The following FOXP1 variants were observed in gnomAD, a reference collection of about 807,000 sequenced individuals.
The protein encoded by FOXP1 is forkhead box protein P1.
Under a neutral mutation model 98.2 loss-of-function variants are expected in FOXP1, and 15 were observed. That is an observed-to-expected ratio of 0.15 (90% CI 0.10 to 0.24). The LOEUF (loss-of-function observed/expected upper bound fraction) is 0.24, where lower values mean the gene tolerates loss of function less well. Ranked by LOEUF, FOXP1 falls within the 10% of genes least tolerant of loss-of-function variation. FOXP1 has a pLI of 1.00. For missense variants in FOXP1, 633 were observed against 848.5 expected, an observed-to-expected ratio of 0.75 and a Z score of 3.15; for synonymous variants, 371 against 314.5, an observed-to-expected ratio of 1.18 and a Z score of -1.90.
intron 6 of FOXP1, among the ~76,000 whole-genome samples, chr3:71,178,130 C>T (rs2062054074): frequency 6.7e-6 from 1 of 149,494 alleles, no homozygotes; most frequent in Non-Finnish European, 1.5e-5. Context: ...CCACCACACC[C>T]AGTCAGTCTT....
rs1431095692 is a variant in FOXP1, at chr3:70,964,416, T to C, written c.1889+1474A>G. On this transcript the variant is annotated intron_variant, in intron 20 of 20. Coordinates refer to ENST00000649528, the MANE Select transcript of FOXP1 (RefSeq NM_001349338.3). ...TCTTTGTTTTAGTGATTCTTTATACTAATAGGAATATATGTCAACAAAAAC... is the reference window on the plus strand; with the variant it reads ...TCTTTGTTTTAGTGATTCTTTATACCAATAGGAATATATGTCAACAAAAAC... Among the ~76,000 whole-genome samples, 9 of 152,352 alleles carry C rather than the reference T, an allele frequency of 5.9e-5. No individual in the cohort carries two copies. In the East Asian group the frequency reaches 1.5e-3, roughly 26 times the overall value.
intron 3 of FOXP1, among the ~76,000 whole-genome samples, chr3:71,469,623 T>C (rs2106656707): frequency 6.6e-6 from 1 of 152,364 alleles, no homozygotes; most frequent in East Asian, 1.9e-4. Flanking sequence ...TACCAACTGG[T>C]AATTATGAAA....
rs2066647574 is a variant in FOXP1 at position 71,234,911 on chromosome 3, TAAC to T, written c.-11-36522_-11-36520del. ...AGGAGGGGTGAAAATTTTAAGCACT[TAAC>T]AAGTAAGTGGGCGCATTTCATGCTG... is the stretch of plus-strand genomic sequence containing the variant. On this transcript the variant is annotated intron_variant, in intron 5 of 20. Transcript: ENST00000649528. 2.0e-5 allele frequency among the ~76,000 whole-genome samples: 3 copies of T among 152,134 alleles called. No homozygotes were observed. The South Asian group carries it at 6.2e-4, about 31-fold the overall frequency.
At chr3:71,549,706 C>T (rs1175798412) in intron 2 of FOXP1, among the ~76,000 whole-genome samples, 5 of 152,050 alleles carry the variant, frequency 3.3e-5, no homozygotes, top group Non-Finnish European at 7.4e-5. Context: ...AAACATATCT[C>T]AAATATTTCA....
chr3:70,971,813 G>A (rs376423561), intron 18 of FOXP1: 10 of 412,656 alleles, frequency 2.4e-5, no homozygotes, highest in East Asian at 7.2e-5. Context: ...CATTAAAGAC[G>A]TCAAAAAAGC....
chr3:71,478,129 T>G (rs1228952154), intron 3 of FOXP1, among the ~76,000 whole-genome samples: 1 of 152,200 alleles, frequency 6.6e-6, no homozygotes, highest in Non-Finnish European at 1.5e-5. Context: ...GTCTTCCAGA[T>G]TCCACATCTT....
intron 7 of FOXP1, among the ~76,000 whole-genome samples, chr3:71,064,012 C>G (rs549257459): frequency 6.6e-6 from 1 of 152,278 alleles, no homozygotes; most frequent in East Asian, 1.9e-4. Flanking sequence ...TAGCTACATT[C>G]AGAGCCGGTT....
chr3:71,067,763 C>CACAA (rs374096871), intron 7 of FOXP1, among the ~76,000 whole-genome samples: 1 of 149,900 alleles, frequency 6.7e-6, no homozygotes, highest in African/African-American at 2.5e-5. Flanking sequence ...CACACACACA[C>CACAA]AATTAGCCAC....
chr3:71,053,972 C>A (rs536730443), intron 7 of FOXP1, among the ~76,000 whole-genome samples, 199 bp from the exon 8 acceptor site: 1 of 152,196 alleles, frequency 6.6e-6, no homozygotes, highest in Non-Finnish European at 1.5e-5. Context: ...AAAGTAAAAT[C>A]TTGCAGTACT....
At chr3:71,075,409 A>T (rs2053694883) in intron 7 of FOXP1, among the ~76,000 whole-genome samples, 1 of 152,208 alleles carries the variant, frequency 6.6e-6, no homozygotes, top group Non-Finnish European at 1.5e-5. Context: ...AAATTACAGA[A>T]TCCAAAATTT....
At position 70,958,037 on chromosome 3, in the gene FOXP1, T is replaced by C. The variant is rs2032241577; in HGVS notation, c.*1210A>G. On this transcript the variant is annotated 3_prime_UTR_variant, in exon 21 of 21. Transcript: ENST00000649528. ...AAACAAAACCAACCCACACCCGTTA[T>C]CGCAGAGCACCCAAGGCCCATGGCA... 7.8e-6 allele frequency: 2 copies of C among 256,998 alleles called. No individual in the cohort carries two copies. The highest frequency in any genetic ancestry group is 1.1e-4 in the East Asian group (2 of 17,670). The allele number at this position is 256,998 out of a possible 1,614,324, so 15.9% of individuals were successfully genotyped here.
intron 4 of FOXP1, among the ~76,000 whole-genome samples, chr3:71,307,862 G>A (rs902930009): frequency 6.6e-6 from 1 of 152,064 alleles, no homozygotes. Flanking sequence ...ACAATTATAG[G>A]TAGTATCTAA....
intron 3 of FOXP1, among the ~76,000 whole-genome samples, chr3:71,492,289 T>C (rs1205224918): frequency 6.6e-6 from 1 of 151,932 alleles, no homozygotes; most frequent in Non-Finnish European, 1.5e-5. Context: ...CTGTCTCTCC[T>C]AAAAGTACAA....
At chr3:71,405,049 C>T (rs2082220865) in intron 3 of FOXP1, among the ~76,000 whole-genome samples, 1 of 152,230 alleles carries the variant, frequency 6.6e-6, no homozygotes, top group Non-Finnish European at 1.5e-5. Flanking sequence ...AAAGGCACTG[C>T]ACCAGCACGC....
intron 11 of FOXP1, among the ~76,000 whole-genome samples, chr3:71,019,774 T>C (rs1421311896): frequency 1.3e-5 from 2 of 151,958 alleles, no homozygotes; most frequent in East Asian, 1.9e-4. Flanking sequence ...GAGGTTGCAG[T>C]GAGCCCGATT....
chr3:71,078,882 T>C (rs534214246), intron 7 of FOXP1, among the ~76,000 whole-genome samples: 1 of 152,232 alleles, frequency 6.6e-6, no homozygotes, highest in African/African-American at 2.4e-5. Context: ...CAAGAGCTAG[T>C]GTGACCTTTG....
intron 11 of FOXP1, among the ~76,000 whole-genome samples, chr3:71,018,954 G>A (rs1263035208): frequency 1.3e-5 from 2 of 152,192 alleles, no homozygotes; most frequent in African/African-American, 2.4e-5. Context: ...AGTCTGCTGA[G>A]TGCTCTAACA....
At chr3:71,519,091 C>T (rs1158938446) in intron 2 of FOXP1, among the ~76,000 whole-genome samples, 1 of 152,146 alleles carries the variant, frequency 6.6e-6, no homozygotes, top group East Asian at 1.9e-4. Flanking sequence ...ACTAAAAATA[C>T]AAAAATTAGC....
At chr3:71,000,186 T>A (rs1228868913) in intron 13 of FOXP1, among the ~76,000 whole-genome samples, 1 of 150,504 alleles carries the variant, frequency 6.6e-6, no homozygotes, top group Non-Finnish European at 1.5e-5. Flanking sequence ...AACTCACATT[T>A]AAAAAAAAAG....
Sources: allele counts gnomAD v4.1 joint callset (sites outside exome capture counted in the v4.1 genomes callset), GRCh38; gene constraint gnomAD v4.1.1; transcripts MANE v1.5; gene names NCBI Gene and HGNC (gene_info 2026-07-23, HGNC 2026-07-21).